The following TYW1 variants were observed in gnomAD, a reference collection of about 807,000 sequenced individuals.
TYW1 encodes the protein tRNA-yW synthesizing protein 1 homolog, also known as S-adenosyl-L-methionine-dependent tRNA 4-demethylwyosine synthase TYW1.
In TYW1, 46 loss-of-function variants were observed where a neutral mutation model predicts 96.2. That is an observed-to-expected ratio of 0.48 (90% confidence interval 0.38 to 0.61). The LOEUF (loss-of-function observed/expected upper bound fraction) is 0.61. TYW1 is among the 20% of genes least tolerant of loss of function. TYW1 has a pLI of 0.00. For synonymous variants in TYW1, 274 were observed against 323.0 expected (o/e 0.85, Z 1.63); for missense variants, 684 against 909.6 (o/e 0.75, Z 3.19).
At chr7:67,180,883 A>C (rs2116295854) in intron 13 of TYW1, among the ~76,000 whole-genome samples, 1 of 152,260 alleles carries the variant, frequency 6.6e-6, no homozygotes. Context: ...ACCTCAAGTG[A>C]GCCACCCACC....
At chr7:67,107,377 A>G (rs1283768193) in intron 12 of TYW1, among the ~76,000 whole-genome samples, 1 of 152,124 alleles carries the variant, frequency 6.6e-6, no homozygotes, top group African/African-American at 2.4e-5. Flanking sequence ...TTTAAAATCT[A>G]ATTTTCTCTC....
At chr7:67,003,713 G>A (rs1793477765) in intron 3 of TYW1, among the ~76,000 whole-genome samples, 1 of 152,204 alleles carries the variant, frequency 6.6e-6, no homozygotes, top group Non-Finnish European at 1.5e-5. Context: ...TTTGTGCAAG[G>A]TTGTATTTTT....
chr7:67,190,943 C>T (rs1427168606), intron 14 of TYW1, among the ~76,000 whole-genome samples: 1 of 151,980 alleles, frequency 6.6e-6, no homozygotes, highest in Non-Finnish European at 1.5e-5. Flanking sequence ...GCAAACTCTC[C>T]AAGCAGCCAG....
intron 13 of TYW1, among the ~76,000 whole-genome samples, chr7:67,157,148 A>G (rs936938036): frequency 2.5e-4 from 38 of 151,960 alleles, no homozygotes; most frequent in Non-Finnish European, 4.9e-4. Context: ...CTCCTATGAC[A>G]GTTTTAGATT....
intron 9 of TYW1, among the ~76,000 whole-genome samples, chr7:67,064,548 G>A (rs1795799602): frequency 6.6e-6 from 1 of 152,162 alleles, no homozygotes; most frequent in Admixed American, 6.5e-5. Flanking sequence ...TCAGAATCAT[G>A]GCAGGAGGCA....
intron 13 of TYW1, among the ~76,000 whole-genome samples, chr7:67,143,489 C>G (rs1156661370): frequency 6.6e-6 from 1 of 152,158 alleles, no homozygotes; most frequent in African/African-American, 2.4e-5. Flanking sequence ...CCACTCTGAC[C>G]TCCAGCTGCT....
Position 67,018,151 on chromosome 7 carries a change from G to T in TYW1, c.861+8G>T. 6.2e-7 allele frequency: 1 copy of T among 1,608,094 alleles called. No homozygotes were observed. The highest frequency in any genetic ancestry group is 8.5e-7 in the Non-Finnish European group (1 of 1,175,394). On this transcript the variant is annotated splice_region_variant and intron_variant, in intron 6 of 15. Coordinates refer to ENST00000359626, the MANE Select transcript of TYW1 (RefSeq NM_018264.4). ...CATCATAGAGACACCGAGGTATACC[G>T]CCTGTGTGTTCATCTCTCGAGGCTT... is the stretch of plus-strand genomic sequence containing the variant.
chr7:67,047,902 C>T (rs2129260513), intron 7 of TYW1, among the ~76,000 whole-genome samples: 1 of 151,114 alleles, frequency 6.6e-6, no homozygotes, highest in East Asian at 2.0e-4. Flanking sequence ...ATTCTCCTGC[C>T]TCAGCCTCCC....
At position 67,072,963 on chromosome 7, in the gene TYW1, T is replaced by TTTTTTTTTTTTTTTG. The variant is rs1219374462; in HGVS notation, c.1274+5561_1274+5562insTTTTTTTTTTTTTGT. On this transcript the variant is annotated intron_variant, in intron 10 of 15. Transcript: ENST00000359626. ...TTTTTTTTTTTTTTTTTTTTTTTTT[T>TTTTTTTTTTTTTTTG]TATAGAGACAGGGTCTTGCTATGTT... Among the ~76,000 whole-genome samples, 38 of 118,678 alleles carry TTTTTTTTTTTTTTTG rather than the reference T, an allele frequency of 3.2e-4. 2 individuals are homozygous for TTTTTTTTTTTTTTTG. Among genetic ancestry groups the TTTTTTTTTTTTTTTG allele is most frequent in the African/African-American group, 1.2e-3 (36 of 29,016 alleles). The allele number at this position is 118,678 out of a possible 152,430, so 77.9% of individuals were successfully genotyped here.
intron 9 of TYW1, among the ~76,000 whole-genome samples, chr7:67,058,678 G>A (rs970418737): frequency 2.0e-5 from 3 of 151,860 alleles, no homozygotes; most frequent in Non-Finnish European, 2.9e-5. Flanking sequence ...GTTTCATCAT[G>A]TTGCCCATGC....
At chr7:67,175,456 C>T (rs1315851963) in intron 13 of TYW1, among the ~76,000 whole-genome samples, 1 of 152,176 alleles carries the variant, frequency 6.6e-6, no homozygotes, top group Non-Finnish European at 1.5e-5. Context: ...CAGGCATAAG[C>T]CACTGCGTCC....
intron 13 of TYW1, among the ~76,000 whole-genome samples, chr7:67,134,888 G>A (rs904816378): frequency 3.6e-5 from 5 of 137,782 alleles, no homozygotes; most frequent in Non-Finnish European, 7.6e-5. Context: ...TGGGAGGATT[G>A]CTTCAGCCCA....
intron 2 of TYW1, 139 bp downstream of exon 2, chr7:66,998,334 C>G: frequency 8.2e-7 from 1 of 1,219,080 alleles, no homozygotes; most frequent in Non-Finnish European, 1.1e-6. Flanking sequence ...TAAATTTCTT[C>G]TCTAAGTTTT....
At chr7:67,022,359 A>G (rs1397808427) in intron 6 of TYW1, among the ~76,000 whole-genome samples, 2 of 152,182 alleles carry the variant, frequency 1.3e-5, no homozygotes, top group Non-Finnish European at 2.9e-5. Flanking sequence ...AATACTTACA[A>G]TTTGGTGTTT....
chr7:67,151,210 C>T (rs1052418225), intron 13 of TYW1, among the ~76,000 whole-genome samples: 6 of 152,210 alleles, frequency 3.9e-5, no homozygotes, highest in Non-Finnish European at 8.8e-5. Flanking sequence ...GCCACCACGC[C>T]TGGCTAATCT....
At chr7:67,105,429 A>G (rs35356688) in intron 12 of TYW1, among the ~76,000 whole-genome samples, 1 of 152,346 alleles carries the variant, frequency 6.6e-6, no homozygotes, top group East Asian at 1.9e-4. Context: ...CCCTGCGTTG[A>G]TAAGAAGTAG....
intron 13 of TYW1, among the ~76,000 whole-genome samples, chr7:67,130,771 C>A (rs1297626246): frequency 6.6e-6 from 1 of 152,142 alleles, no homozygotes; most frequent in East Asian, 1.9e-4. Flanking sequence ...AATAACCTCA[C>A]AAGTCTTGTC....
chr7:67,114,020 G>A (rs1797512471), intron 12 of TYW1, among the ~76,000 whole-genome samples: 1 of 152,154 alleles, frequency 6.6e-6, no homozygotes, highest in Non-Finnish European at 1.5e-5. Context: ...ATGGGCATAA[G>A]TAGCAACTGC....
intron 15 of TYW1, among the ~76,000 whole-genome samples, chr7:67,223,316 TG>T (rs1801456892): frequency 1.3e-5 from 2 of 152,188 alleles, no homozygotes; most frequent in Non-Finnish European, 2.9e-5. Context: ...TCAGATTCTT[TG>T]CCTCTCAGTG....
Sources: allele counts gnomAD v4.1 joint callset (sites outside exome capture counted in the v4.1 genomes callset), GRCh38; gene constraint gnomAD v4.1.1; transcripts MANE v1.5; gene names NCBI Gene and HGNC (gene_info 2026-07-23, HGNC 2026-07-21).